The following FBRSL1 variants were observed in gnomAD, a reference collection of about 807,000 sequenced individuals.
The protein encoded by FBRSL1 is fibrosin-1-like protein.
FBRSL1 carries 51 observed loss-of-function variants against 89.6 expected under a neutral mutation model. The observed-to-expected ratio is 0.57, with a 90% CI of 0.45 to 0.72. FBRSL1 has a LOEUF of 0.72. Ranked by LOEUF, FBRSL1 falls within the 30% of genes least tolerant of loss-of-function variation. The pLI is 0.00. For missense variants in FBRSL1, 1,618 were observed against 1,451.8 expected, an observed-to-expected ratio of 1.11 and a Z score of -1.86; for synonymous variants, 779 against 681.1, an observed-to-expected ratio of 1.14 and a Z score of -2.24.
chr12:132,510,219 A>G, intron 2 of FBRSL1: 1 of 1,231,426 alleles, frequency 8.1e-7, no homozygotes, highest in East Asian at 3.2e-5. Context: ...GTTGCTCCCC[A>G]TTCCCGATCG....
intron 2 of FBRSL1, among the ~76,000 whole-genome samples, chr12:132,519,515 G>A (rs138218606): frequency 2.9e-3 from 444 of 152,330 alleles, no homozygotes; most frequent in African/African-American, 0.01. Flanking sequence ...CATAGGCTAT[G>A]CAGTCTCATA....
chr12:132,564,232 G>A (rs914823267), intron 5 of FBRSL1, among the ~76,000 whole-genome samples: 7 of 152,152 alleles, frequency 4.6e-5, no homozygotes, highest in Admixed American at 1.3e-4. Context: ...ACCAGGCCCC[G>A]GTGGACCCTG....
At chr12:132,569,017 G>A (rs542696834) in intron 6 of FBRSL1, among the ~76,000 whole-genome samples, 95 of 152,246 alleles carry the variant, frequency 6.2e-4, no homozygotes, top group African/African-American at 2.1e-3. Flanking sequence ...AGGGTCTGCC[G>A]GGGACGTGAA....
At chr12:132,535,408 G>A (rs908462895) in intron 4 of FBRSL1, among the ~76,000 whole-genome samples, 2 of 152,248 alleles carry the variant, frequency 1.3e-5, no homozygotes, top group African/African-American at 4.8e-5. Flanking sequence ...CTGTGGGGAC[G>A]TAGAGGGAGA....
At chr12:132,535,787 A>G (rs922529009) in intron 4 of FBRSL1, among the ~76,000 whole-genome samples, 4 of 149,276 alleles carry the variant, frequency 2.7e-5, no homozygotes, top group African/African-American at 9.9e-5. Context: ...ACGTGTGTCC[A>G]TGATGGTGTG....
intron 2 of FBRSL1, chr12:132,511,840 C>CCCCCCCCCGCCCCCA: frequency 1.0e-6 from 1 of 982,370 alleles, no homozygotes; most frequent in Non-Finnish European, 1.2e-6. Flanking sequence ...TCGCTCCCCA[C>CCCCCCCCCGCCCCCA]CCACCCGGGC....
intron 6 of FBRSL1, among the ~76,000 whole-genome samples, chr12:132,569,337 AG>A (rs2039852287): frequency 6.6e-6 from 1 of 151,542 alleles, no homozygotes; most frequent in Non-Finnish European, 1.5e-5. Context: ...CAGTCACAGT[AG>A]GGGGAAGCCT....
At chr12:132,534,665 G>A (rs569994916) in intron 4 of FBRSL1, among the ~76,000 whole-genome samples, 14 of 152,352 alleles carry the variant, frequency 9.2e-5, no homozygotes, top group African/African-American at 3.1e-4. Flanking sequence ...GTGCTCACTG[G>A]GGTCTCCTGG....
chr12:132,582,639 C>T (rs1175251717), intron 18 of FBRSL1, among the ~76,000 whole-genome samples: 1 of 152,044 alleles, frequency 6.6e-6, no homozygotes, highest in Admixed American at 6.5e-5. Flanking sequence ...CTCCAGGTGG[C>T]CGCGCCCTGA....
At chr12:132,542,301 T>A (rs2037333359) in intron 4 of FBRSL1, among the ~76,000 whole-genome samples, 1 of 152,210 alleles carries the variant, frequency 6.6e-6, no homozygotes, top group South Asian at 2.1e-4. Context: ...CCACACATGC[T>A]CAGCCAGGGT....
chr12:132,511,026 T>G (rs1281506474), intron 2 of FBRSL1: 1 of 986,462 alleles, frequency 1.0e-6, no homozygotes, highest in East Asian at 1.1e-4. Context: ...CTGCAGTTCC[T>G]GCAGAGTGGC....
chr12:132,547,168 G>A (rs2037760338), intron 4 of FBRSL1, among the ~76,000 whole-genome samples: 1 of 152,002 alleles, frequency 6.6e-6, no homozygotes, highest in Non-Finnish European at 1.5e-5. Flanking sequence ...GACAGTCAGT[G>A]TGTTCTTCGT....
intron 1 of FBRSL1, among the ~76,000 whole-genome samples, chr12:132,497,572 C>T (rs992013310): frequency 1.3e-5 from 2 of 152,136 alleles, no homozygotes; most frequent in African/African-American, 4.8e-5. Flanking sequence ...CCTCTGGCCT[C>T]AGCTCCTGCT....
Position 132,570,033 on chromosome 12 carries a change from C to CCCGCGCCCCATG in FBRSL1, c.808_819dup (p.His270_Pro273dup). On this transcript the variant is annotated inframe_insertion, in exon 7 of 19. Coordinates refer to ENST00000680143, the MANE Select transcript of FBRSL1 (RefSeq NM_001367871.1). ...CGAGAGCTTCCTGCCCACTGCCAGC[C>CCCGCGCCCCATG]CCGCGCCCCATGCCGCGCCCTGCCC... 1 of 1,512,296 alleles carries CCCGCGCCCCATG rather than the reference C, an allele frequency of 6.6e-7. No individual in the cohort carries two copies. The highest frequency in any genetic ancestry group is 8.8e-7 in the Non-Finnish European group (1 of 1,136,914). The allele number at this position is 1,512,296 out of a possible 1,614,324, so 93.7% of individuals were successfully genotyped here.
chr12:132,572,206 A>C (rs927980356), intron 9 of FBRSL1, 82 bp from the exon 10 acceptor site: 2 of 1,330,916 alleles, frequency 1.5e-6, no homozygotes, highest in Admixed American at 2.0e-5. Context: ...GTCACTGCCC[A>C]GCCCGGCCAG....
chr12:132,570,980 G>A lies in FBRSL1; in HGVS notation c.1214-88G>A, dbSNP rs1185300131. On this transcript the variant is annotated intron_variant, in intron 8 of 18. Coordinates refer to ENST00000680143, the MANE Select transcript of FBRSL1 (RefSeq NM_001367871.1). Reference sequence around the variant, plus strand: ...CGGCCCAGGCTGGGGACGGCCCCGTGTCCCGGGATGGGACCAGGATGCTGG... The same window carrying A: ...CGGCCCAGGCTGGGGACGGCCCCGTATCCCGGGATGGGACCAGGATGCTGG... 4.5e-6 allele frequency: 4 copies of A among 894,508 alleles called. No homozygotes were observed. The East Asian group carries it at 3.6e-4, about 80-fold the overall frequency. The allele number at this position is 894,508 out of a possible 1,614,324, so 55.4% of individuals were successfully genotyped here. A position where few individuals can be genotyped will look rare whatever the true frequency, so the allele number is the denominator to read the frequency against.
intron 2 of FBRSL1, among the ~76,000 whole-genome samples, chr12:132,515,006 C>T (rs2034708417): frequency 6.6e-6 from 1 of 152,080 alleles, no homozygotes; most frequent in African/African-American, 2.4e-5. Context: ...AGCTTCTGCG[C>T]CCAATAACCA....
At chr12:132,569,443 G>C (rs1330931258) in intron 6 of FBRSL1, among the ~76,000 whole-genome samples, 2 of 152,280 alleles carry the variant, frequency 1.3e-5, no homozygotes, top group African/African-American at 4.8e-5. Context: ...GGGCGCTGCT[G>C]TTGGGGTGGG....
chr12:132,557,318 G>A (rs2038760510), intron 5 of FBRSL1, among the ~76,000 whole-genome samples: 1 of 152,184 alleles, frequency 6.6e-6, no homozygotes, highest in South Asian at 2.1e-4. Context: ...CTGCTCTCCG[G>A]TGAATGCCTT....
Sources: allele counts gnomAD v4.1 joint callset (sites outside exome capture counted in the v4.1 genomes callset), GRCh38; gene constraint gnomAD v4.1.1; transcripts MANE v1.5; gene names NCBI Gene and HGNC (gene_info 2026-07-23, HGNC 2026-07-21).